The following LRRC69 variants were observed in gnomAD, a reference collection of about 807,000 sequenced individuals.
The protein encoded by LRRC69 is leucine-rich repeat-containing protein 69.
LRRC69 carries 42 observed loss-of-function variants against 37.8 expected under a neutral mutation model. The ratio of observed to expected loss-of-function variants is 1.11; its 90% CI spans 0.87 to 1.44. LRRC69 has a LOEUF of 1.44. Ranked by LOEUF, LRRC69 falls within the 40% of genes most tolerant of loss-of-function variation. The pLI, the probability that LRRC69 is intolerant of heterozygous loss-of-function variation, is 0.00. For synonymous variants in LRRC69, 141 were observed against 143.1 expected (o/e 0.99, Z 0.11); for missense variants, 357 against 401.9 (o/e 0.89, Z 0.96).
intron 6 of LRRC69, among the ~76,000 whole-genome samples, chr8:91,198,837 C>T (rs530604687): frequency 6.6e-6 from 1 of 152,196 alleles, no homozygotes; most frequent in African/African-American, 2.4e-5. Flanking sequence ...TACTATTGGT[C>T]ATGCCAATAG....
chr8:91,124,458 A>T, intron 1 of LRRC69, 35 bp from the exon 2 acceptor site: 1 of 1,472,882 alleles, frequency 6.8e-7, no homozygotes, highest in Non-Finnish European at 9.0e-7. Context: ...AAGTTGGATG[A>T]TATATGAGTC....
intron 5 of LRRC69, among the ~76,000 whole-genome samples, chr8:91,159,594 G>C (rs183327245): frequency 6.6e-6 from 1 of 151,034 alleles, no homozygotes; most frequent in Non-Finnish European, 1.5e-5. Context: ...TGGGAACAAG[G>C]CTTTGGCTGA....
intron 5 of LRRC69, chr8:91,138,790 C>A (rs561038075): frequency 6.6e-6 from 1 of 151,892 alleles, no homozygotes; most frequent in African/African-American, 2.4e-5. Context: ...TGGTGGCTCA[C>A]GGCTGCAATC....
At chr8:91,198,266 G>T (rs535734722) in intron 6 of LRRC69, among the ~76,000 whole-genome samples, 1 of 152,258 alleles carries the variant, frequency 6.6e-6, no homozygotes, top group Middle Eastern at 3.4e-3. Context: ...CAAACTCTTT[G>T]TGATAGTATT....
chr8:91,197,247 C>T (rs866432380), intron 6 of LRRC69, among the ~76,000 whole-genome samples: 1 of 152,196 alleles, frequency 6.6e-6, no homozygotes, highest in Non-Finnish European at 1.5e-5. Flanking sequence ...CTCTTCAAAG[C>T]TGTCAGACAG....
intron 6 of LRRC69, among the ~76,000 whole-genome samples, chr8:91,195,726 G>C: frequency 6.6e-6 from 1 of 152,036 alleles, no homozygotes; most frequent in East Asian, 1.9e-4. Context: ...TTTATTTTGA[G>C]CCTATGTGTG....
intron 1 of LRRC69, among the ~76,000 whole-genome samples, chr8:91,109,441 A>G (rs1172587146): frequency 6.6e-6 from 1 of 152,092 alleles, no homozygotes; most frequent in Non-Finnish European, 1.5e-5. Flanking sequence ...TTACATAGAA[A>G]ATTTTAGCCG....
intron 2 of LRRC69, among the ~76,000 whole-genome samples, chr8:91,126,277 A>T (rs924595561): frequency 6.6e-6 from 1 of 152,014 alleles, no homozygotes; most frequent in African/African-American, 2.4e-5. Context: ...GATAGAGTCT[A>T]AAACAGTTTA....
chr8:91,102,746 A>AC lies in LRRC69; in HGVS notation c.85_86insC (p.Met29ThrfsTer19), dbSNP rs1813242277. The AC allele has an allele frequency of 6.4e-7, 1 of 1,551,948 alleles. No individual in the cohort carries two copies. Among genetic ancestry groups the AC allele is most frequent in the East Asian group, 2.4e-5 (1 of 40,908 alleles). ...TTTGAATGGGAAGAAGATGACAAAG[A>AC]TGCCCTCAGCATTAGGAAAACTGCC... On this transcript the variant is annotated frameshift_variant, in exon 1 of 8. Coordinates refer to ENST00000448384, the Ensembl canonical transcript of LRRC69. LOFTEE classifies it high-confidence loss of function.
chr8:91,202,433 A>C (rs997483912), intron 7 of LRRC69, among the ~76,000 whole-genome samples: 6 of 152,158 alleles, frequency 3.9e-5, no homozygotes, highest in Non-Finnish European at 8.8e-5. Flanking sequence ...GCCCATAACC[A>C]ATGGGTTTCA....
chr8:91,189,673 A>T (rs1481119327), intron 6 of LRRC69, 50 bp downstream of exon 6: 5 of 1,280,458 alleles, frequency 3.9e-6, no homozygotes, highest in Non-Finnish European at 5.4e-6. Flanking sequence ...GCCACAATTT[A>T]AATTTTAAAG....
At chr8:91,198,021 C>T (rs1399006562) in intron 6 of LRRC69, among the ~76,000 whole-genome samples, 6 of 152,120 alleles carry the variant, frequency 3.9e-5, no homozygotes, top group Non-Finnish European at 5.9e-5. Flanking sequence ...AGAGTTATTT[C>T]TACTGGGCAT....
chr8:91,120,781 A>G (rs1428638499), intron 1 of LRRC69, among the ~76,000 whole-genome samples: 2 of 152,008 alleles, frequency 1.3e-5, no homozygotes, highest in African/African-American at 4.8e-5. Flanking sequence ...GCCACTCCTC[A>G]GTCAGTTCCT....
intron 5 of LRRC69, among the ~76,000 whole-genome samples, chr8:91,143,402 TA>T (rs1306187943): frequency 6.6e-6 from 1 of 152,094 alleles, no homozygotes; most frequent in Non-Finnish European, 1.5e-5. Context: ...GAAATGTGCT[TA>T]AAAAGATGTA....
intron 7 of LRRC69, among the ~76,000 whole-genome samples, chr8:91,205,979 T>C (rs1809797418): frequency 1.3e-5 from 2 of 152,342 alleles, no homozygotes; most frequent in South Asian, 2.1e-4. Context: ...GAAGTCTTCA[T>C]GGCATTTAGC....
chr8:91,102,929 T>C (rs1231601950), intron 1 of LRRC69, 85 bp downstream of exon 1: 90 of 1,261,138 alleles, frequency 7.1e-5, no homozygotes, highest in Non-Finnish European at 8.9e-5. Flanking sequence ...GACAGAACAA[T>C]AACACTTCGA....
At chr8:91,178,809 G>T (rs4259383) in intron 5 of LRRC69, among the ~76,000 whole-genome samples, 75,162 of 152,008 alleles carry the variant, frequency 0.49, 19,327 homozygotes, top group South Asian at 0.65. Context: ...GTGTCCCTAG[G>T]AAGCAGGACT....
At chr8:91,131,580 T>C (rs1362451470) in intron 3 of LRRC69, among the ~76,000 whole-genome samples, 2 of 152,018 alleles carry the variant, frequency 1.3e-5, no homozygotes, top group South Asian at 2.1e-4. Context: ...CTCATGTCTT[T>C]TGTTATATGT....
At chr8:91,191,976 C>T (rs933248007) in intron 6 of LRRC69, among the ~76,000 whole-genome samples, 3 of 147,394 alleles carry the variant, frequency 2.0e-5, no homozygotes, top group African/African-American at 7.5e-5. Flanking sequence ...GGTATATCTC[C>T]CAATGCTATC....
Sources: gnomAD v4.1 joint callset for allele counts (sites outside exome capture counted in the v4.1 genomes callset) on GRCh38, gnomAD v4.1.1 for gene constraint, MANE v1.5 for transcripts, NCBI Gene and HGNC (gene_info 2026-07-23, HGNC 2026-07-21) for gene names.